CDK15: variants seen among roughly 807,000 people sequenced by gnomAD.
CDK15 encodes cyclin-dependent kinase 15.
CDK15 carries 62 observed loss-of-function variants against 60.3 expected under a neutral mutation model. That is an observed-to-expected ratio of 1.03 (90% CI 0.84 to 1.27). CDK15 has a LOEUF of 1.27. Ranked by LOEUF, CDK15 falls within the 50% of genes most tolerant of loss-of-function variation. The pLI, the probability that CDK15 is intolerant of heterozygous loss-of-function variation, is 0.00. For missense variants in CDK15, 541 were observed against 527.8 expected, an observed-to-expected ratio of 1.03 and a Z score of -0.25; for synonymous variants, 194 against 195.7, an observed-to-expected ratio of 0.99 and a Z score of 0.07.
At chr2:201,890,981 T>C (rs750655585) in intron 13 of CDK15, 54 bp downstream of exon 13, 2 of 926,132 alleles carry the variant, frequency 2.2e-6, no homozygotes, top group Non-Finnish European at 3.4e-6. Flanking sequence ...AAGCAATTGG[T>C]GCCGGGTGGA....
chr2:201,847,448 C>G lies in CDK15; in HGVS notation c.919C>G (p.Leu307Val). ...QPLFPGVSNI[L>V]EQLEKIWEVL... is the part of the protein sequence containing the mutation. ...TTTGTTTCCTGGGGTTTCCAACATC[C>G]TTGAACAGCTGGAGAAAATCTGGGA... The change falls in exon 9 of 14, where the codon CTT becomes GTT. Residue 307 changes from leucine (L) to valine (V), a missense_variant. By Grantham distance (32) the Leu-to-Val change is conservative. Transcript: ENST00000652192. 1 of 1,613,944 alleles carries G rather than the reference C, an allele frequency of 6.2e-7. No homozygotes were observed. The highest frequency in any genetic ancestry group is 8.5e-7 in the Non-Finnish European group (1 of 1,179,946).
At chr2:201,836,191 TTA>T (rs375587917) in intron 8 of CDK15, among the ~76,000 whole-genome samples, 29 of 106,968 alleles carry the variant, frequency 2.7e-4, no homozygotes, top group African/African-American at 9.1e-4. Context: ...ATATATTTTT[TTA>T]TATATATATA....
chr2:201,887,703 T>C (rs1043253585), intron 12 of CDK15, among the ~76,000 whole-genome samples: 1 of 152,218 alleles, frequency 6.6e-6, no homozygotes, highest in Non-Finnish European at 1.5e-5. Flanking sequence ...AAAAAATAAA[T>C]AGGCATAATT....
chr2:201,891,778 G>A (rs1175406744), intron 13 of CDK15, among the ~76,000 whole-genome samples: 1 of 152,176 alleles, frequency 6.6e-6, no homozygotes, highest in East Asian at 1.9e-4. Flanking sequence ...GAGGAATCAA[G>A]GTAGAGCCCA....
chr2:201,867,329 A>T (rs917723326), intron 10 of CDK15, among the ~76,000 whole-genome samples: 9 of 152,114 alleles, frequency 5.9e-5, no homozygotes, highest in Non-Finnish European at 1.2e-4. Context: ...GAGACCATTG[A>T]AGACATAATA....
At chr2:201,821,741 G>T (rs530661563) in intron 4 of CDK15, among the ~76,000 whole-genome samples, 242 of 152,200 alleles carry the variant, frequency 1.6e-3, no homozygotes, top group Non-Finnish European at 1.5e-3. Flanking sequence ...TGCAATCTTG[G>T]CTCACTGCAA....
At chr2:201,880,193 C>A (rs774154012) in intron 12 of CDK15, 26 bp downstream of exon 12, 1 of 1,611,004 alleles carries the variant, frequency 6.2e-7, no homozygotes. Flanking sequence ...TGTGCGTGTG[C>A]GTGAGTGCAT....
chr2:201,853,697 A>C (rs1324073084), intron 9 of CDK15, among the ~76,000 whole-genome samples: 1 of 150,592 alleles, frequency 6.6e-6, no homozygotes, highest in East Asian at 2.0e-4. Flanking sequence ...TGTCTCCCAT[A>C]TATAACTGTC....
At position 201,823,735 on chromosome 2, in the gene CDK15, C is replaced by T. The variant is rs201806765; in HGVS notation, c.606+8C>T. Reference sequence around the variant, plus strand: ...CATCCTCATAATGTCAGAGTGAGTACGTTAAGGGTCAGGACCCTCTCCTGG... The same window carrying T: ...CATCCTCATAATGTCAGAGTGAGTATGTTAAGGGTCAGGACCCTCTCCTGG... On this transcript the variant is annotated splice_region_variant and intron_variant, in intron 6 of 13. Coordinates refer to ENST00000652192, the MANE Select transcript of CDK15 (RefSeq NM_001366386.2). 4.1e-5 allele frequency: 66 copies of T among 1,612,604 alleles called. No individual in the cohort carries two copies. Among genetic ancestry groups the T allele is most frequent in the African/African-American group, 3.7e-4 (28 of 74,976 alleles).
At chr2:201,891,128 T>C (rs1314118978) in intron 13 of CDK15, among the ~76,000 whole-genome samples, 5 of 152,246 alleles carry the variant, frequency 3.3e-5, no homozygotes, top group African/African-American at 1.2e-4. Flanking sequence ...TGCATTGCCT[T>C]TCTCTTCCAC....
chr2:201,835,838 A>C, intron 8 of CDK15, 75 bp downstream of exon 8: 2 of 1,180,158 alleles, frequency 1.7e-6, no homozygotes, highest in Non-Finnish European at 2.2e-6. Flanking sequence ...ATATTTTAAT[A>C]ATAATTCTAA....
rs974760824 is a variant in CDK15 at position 201,892,626 on chromosome 2, C to T, written c.*34-675C>T. 4.6e-5 allele frequency among the ~76,000 whole-genome samples: 7 copies of T among 151,928 alleles called. No individual in the cohort carries two copies. The South Asian group carries it at 6.2e-4, about 14-fold the overall frequency. ...CTCATGATGTCCCTAGGCCTTGGTA[C>T]GAATGTAAGGAGATAAAACTGAGAT... On this transcript the variant is annotated intron_variant, in intron 13 of 13. Transcript: ENST00000652192.
intron 10 of CDK15, among the ~76,000 whole-genome samples, chr2:201,858,259 C>A (rs1271071887): frequency 6.6e-6 from 1 of 152,166 alleles, no homozygotes; most frequent in Non-Finnish European, 1.5e-5. Context: ...AGTTTTCTAG[C>A]CATCAATTCA....
At position 201,880,138 on chromosome 2, in the gene CDK15, T is replaced by C; in HGVS notation, c.1169T>C (p.Leu390Pro). The part of the protein sequence containing the change: ...EALVHDYFSA[L>P]PSQLYQLPDE... ...CTTGTTCATGATTATTTCAGCGCCC[T>C]GCCATCTCAGCTGTACCAGCTTCCT... Residue 390 changes from leucine (L) to proline (P), a missense_variant, in exon 12 of 14, where the codon CTG (leucine) becomes CCG (proline). Coordinates refer to ENST00000652192, the MANE Select transcript of CDK15 (RefSeq NM_001366386.2). The C allele has an allele frequency of 6.2e-7, 1 of 1,614,070 alleles. No individual in the cohort carries two copies. Among genetic ancestry groups the C allele is most frequent in the Non-Finnish European group, 8.5e-7 (1 of 1,180,008 alleles).
At chr2:201,889,230 C>T (rs903548953) in intron 12 of CDK15, 1 of 985,246 alleles carries the variant, frequency 1.0e-6, no homozygotes, top group African/African-American at 1.7e-5. Context: ...ACAGAAGGCT[C>T]TCTTTTTGTT....
rs972676471 is a variant in CDK15 at position 201,895,129 on chromosome 2, G to T, written c.*1862G>T. On this transcript the variant is annotated 3_prime_UTR_variant, in exon 14 of 14. Coordinates refer to ENST00000652192, the MANE Select transcript of CDK15 (RefSeq NM_001366386.2). ...ACAAAGAGTTCCCACAACAGTAGTG[G>T]GATTCCTCTGCCTCTCTGAAGATAT... 4 of 152,264 alleles carry T rather than the reference G, an allele frequency of 2.6e-5. No individual in the cohort carries two copies. Among genetic ancestry groups the T allele is most frequent in the African/African-American group, 9.6e-5 (4 of 41,546 alleles). The allele number at this position is 152,264 out of a possible 1,614,324, so 9.4% of individuals were successfully genotyped here.
intron 8 of CDK15, among the ~76,000 whole-genome samples, chr2:201,836,990 C>CA (rs1400449196): frequency 6.6e-6 from 1 of 151,826 alleles, no homozygotes; most frequent in Admixed American, 6.6e-5. Context: ...AATTGTAGTA[C>CA]AAATATAAGA....
chr2:201,843,192 T>TC (rs1156962655), intron 8 of CDK15, among the ~76,000 whole-genome samples: 2 of 152,020 alleles, frequency 1.3e-5, no homozygotes, highest in East Asian at 3.9e-4. Flanking sequence ...ATTGCATAGT[T>TC]CTTTTTTTTT....
rs866556769 is a variant in CDK15, at chr2:201,833,271, C to T, written c.607-577C>T. On this transcript the variant is annotated intron_variant, in intron 6 of 13. Transcript: ENST00000652192. Reference sequence around the variant, plus strand: ...CTTTTCATCTGTACTGTGTATTTCCCTTGTTTTCAACTTTGAATTTAAGAC... The same window carrying T: ...CTTTTCATCTGTACTGTGTATTTCCTTTGTTTTCAACTTTGAATTTAAGAC... Among the ~76,000 whole-genome samples the T allele has an allele frequency of 2.6e-5, 4 of 151,830 alleles. No individual in the cohort carries two copies. In the Middle Eastern group the frequency reaches 0.014, roughly 520 times the overall value.
Sources: allele counts gnomAD v4.1 joint callset (sites outside exome capture counted in the v4.1 genomes callset), GRCh38; gene constraint gnomAD v4.1.1; transcripts MANE v1.5; gene names NCBI Gene and HGNC (gene_info 2026-07-23, HGNC 2026-07-21).